SORCS1: variants seen among roughly 807,000 people sequenced by gnomAD.
The protein encoded by SORCS1 is VPS10 domain-containing receptor SorCS1.
SORCS1 carries 60 observed loss-of-function variants against 146.1 expected under a neutral mutation model. The ratio of observed to expected loss-of-function variants is 0.41; its 90% confidence interval spans 0.33 to 0.51. The LOEUF (loss-of-function observed/expected upper bound fraction) is 0.51. SORCS1 is among the 20% of genes least tolerant of loss of function. SORCS1 has a pLI of 0.21. For missense variants in SORCS1, 1,352 were observed against 1,487.6 expected (o/e 0.91, Z 1.50); for synonymous variants, 637 against 584.0 (o/e 1.09, Z -1.31).
At chr10:106,628,783 G>A (rs1380845402) in intron 19 of SORCS1, among the ~76,000 whole-genome samples, 1 of 152,138 alleles carries the variant, frequency 6.6e-6, no homozygotes, top group African/African-American at 2.4e-5. Flanking sequence ...TAATCAGATG[G>A]GGAGAAATTT....
chr10:106,779,636 T>G (rs2136400760), intron 3 of SORCS1, among the ~76,000 whole-genome samples: 1 of 150,396 alleles, frequency 6.6e-6, no homozygotes, highest in East Asian at 2.0e-4. Context: ...CTGCAACCTC[T>G]GCCCTCTGCC....
chr10:107,128,542 A>T (rs2134609417), intron 1 of SORCS1, among the ~76,000 whole-genome samples: 1 of 152,316 alleles, frequency 6.6e-6, no homozygotes, highest in Non-Finnish European at 1.5e-5. Flanking sequence ...AAATGGAAGT[A>T]ACAACAGTAC....
At chr10:107,088,235 C>A (rs536389275) in intron 1 of SORCS1, among the ~76,000 whole-genome samples, 1 of 152,180 alleles carries the variant, frequency 6.6e-6, no homozygotes, top group South Asian at 2.1e-4. Context: ...TTGTTCCCAC[C>A]CTTTCCCCTG....
intron 2 of SORCS1, among the ~76,000 whole-genome samples, chr10:106,953,855 C>G (rs778670740): frequency 6.6e-6 from 1 of 152,126 alleles, no homozygotes; most frequent in Non-Finnish European, 1.5e-5. Flanking sequence ...AATGGCATTA[C>G]GCAGTGCATG....
At chr10:107,087,488 A>C (rs1807024241) in intron 1 of SORCS1, among the ~76,000 whole-genome samples, 1 of 152,244 alleles carries the variant, frequency 6.6e-6, no homozygotes. Context: ...AATATTAGAC[A>C]GTTTTAACCT....
At chr10:107,062,219 G>C (rs2134121579) in intron 1 of SORCS1, among the ~76,000 whole-genome samples, 1 of 152,168 alleles carries the variant, frequency 6.6e-6, no homozygotes, top group Admixed American at 6.5e-5. Context: ...AAGGAGAATT[G>C]ACATTGAATT....
intron 1 of SORCS1, among the ~76,000 whole-genome samples, chr10:107,119,711 C>T (rs1966273664): frequency 6.6e-6 from 1 of 151,964 alleles, no homozygotes; most frequent in Admixed American, 6.6e-5. Flanking sequence ...CCTAGTTGTC[C>T]ATGTCATGGA....
intron 24 of SORCS1, among the ~76,000 whole-genome samples, chr10:106,580,399 T>G (rs1382111213): frequency 6.6e-6 from 1 of 152,136 alleles, no homozygotes; most frequent in Non-Finnish European, 1.5e-5. Flanking sequence ...GGAAAACACT[T>G]CTCGCCACCT....
intron 1 of SORCS1, among the ~76,000 whole-genome samples, chr10:107,032,364 G>A (rs1260035334): frequency 2.0e-5 from 3 of 152,132 alleles, no homozygotes; most frequent in Non-Finnish European, 4.4e-5. Context: ...CAAGATCCCC[G>A]CAGTGTTCAT....
intron 18 of SORCS1, among the ~76,000 whole-genome samples, chr10:106,634,376 CAT>C (rs755709649): frequency 1.7e-3 from 262 of 152,268 alleles, no homozygotes; most frequent in Non-Finnish European, 3.0e-3. Flanking sequence ...CATATTATCT[CAT>C]GTGGATGTTA....
At chr10:107,151,839 G>A (rs999105876) in intron 1 of SORCS1, among the ~76,000 whole-genome samples, 1 of 152,216 alleles carries the variant, frequency 6.6e-6, no homozygotes, top group Non-Finnish European at 1.5e-5. Context: ...AGGGAGCAGA[G>A]AAATTCTGGG....
intron 3 of SORCS1, among the ~76,000 whole-genome samples, chr10:106,805,999 G>C (rs1434900365): frequency 6.7e-6 from 1 of 148,610 alleles, no homozygotes; most frequent in Non-Finnish European, 1.5e-5. Context: ...GGCAGAGCTT[G>C]CAGTGAGCCG....
chr10:107,077,917 A>C lies in SORCS1; in HGVS notation c.558+86052T>G, dbSNP rs577605455. On this transcript the variant is annotated intron_variant, in intron 1 of 25. Coordinates refer to ENST00000263054, the MANE Select transcript of SORCS1 (RefSeq NM_052918.5). ...GCTTAGAAAGAGAATTAGGGTGAGA[A>C]TTTAAAAAATCAGGAAAATCTTTTT... is the stretch of plus-strand genomic sequence containing the variant. 7.3e-4 allele frequency among the ~76,000 whole-genome samples: 111 copies of C among 152,266 alleles called. 1 individual carries two copies. Among genetic ancestry groups the C allele is most frequent in the Non-Finnish European group, 1.9e-4 (13 of 68,018 alleles).
At chr10:106,838,636 C>A (rs985356425) in intron 2 of SORCS1, among the ~76,000 whole-genome samples, 2 of 152,186 alleles carry the variant, frequency 1.3e-5, no homozygotes, top group African/African-American at 4.8e-5. Flanking sequence ...TCCATTTACC[C>A]TCTCCATAGT....
chr10:106,698,411 TCTGA>T (rs955743487), intron 9 of SORCS1, among the ~76,000 whole-genome samples: 3 of 152,196 alleles, frequency 2.0e-5, no homozygotes, highest in East Asian at 1.9e-4. Context: ...CTTCCCAAAT[TCTGA>T]CTGTTTTCAA....
At chr10:106,924,477 CTAT>C (rs1171193440) in intron 2 of SORCS1, among the ~76,000 whole-genome samples, 3 of 149,914 alleles carry the variant, frequency 2.0e-5, no homozygotes, top group African/African-American at 7.5e-5. Context: ...ATCTATCTAT[CTAT>C]CTATCTATCT....
intron 2 of SORCS1, among the ~76,000 whole-genome samples, chr10:106,882,091 A>T (rs557138951): frequency 6.6e-6 from 1 of 152,304 alleles, no homozygotes; most frequent in East Asian, 1.9e-4. Context: ...TTCACCCAAG[A>T]TACCTGGAGA....
intron 3 of SORCS1, among the ~76,000 whole-genome samples, chr10:106,777,442 G>A (rs1239249357): frequency 9.9e-5 from 15 of 152,080 alleles, no homozygotes; most frequent in South Asian, 6.2e-4. Context: ...AATATTTGTC[G>A]AATGAATGAA....
At chr10:106,907,546 T>G (rs1387341946) in intron 2 of SORCS1, among the ~76,000 whole-genome samples, 5 of 152,196 alleles carry the variant, frequency 3.3e-5, no homozygotes, top group African/African-American at 1.2e-4. Context: ...GTCTTAAAAA[T>G]AAGTAAATAT....
Sources: allele counts gnomAD v4.1 joint callset (sites outside exome capture counted in the v4.1 genomes callset), GRCh38; gene constraint gnomAD v4.1.1; transcripts MANE v1.5; gene names NCBI Gene and HGNC (gene_info 2026-07-23, HGNC 2026-07-21).